Variants in TENM3 observed in about 807,000 individuals in gnomAD.
TENM3 encodes teneurin-3.
In TENM3, 63 loss-of-function variants were observed where a neutral mutation model predicts 255.1. That is an observed-to-expected ratio of 0.25 (90% CI 0.20 to 0.30). TENM3 has a LOEUF of 0.30. Among genes scored for constraint, TENM3 ranks in the 10% least tolerant of loss-of-function variants. The pLI is 1.00. For synonymous variants in TENM3, 1,306 were observed against 1,322.3 expected (o/e 0.99, Z 0.27); for missense variants, 2,929 against 3,461.1 (o/e 0.85, Z 3.86).
At chr4:182,432,849 G>GGTGGGTGTGTGTGTGTGTGT (rs1722898718) in intron 3 of TENM3, among the ~76,000 whole-genome samples, 1 of 142,976 alleles carries the variant, frequency 7.0e-6, no homozygotes, top group African/African-American at 2.6e-5. Flanking sequence ...AATGGATTTG[G>GGTGGGTGTGTGTGTGTGTGT]GTGTGTGTGT....
At chr4:181,917,014 T>C in the TENM3 span, among the ~76,000 whole-genome samples, 4 of 152,140 alleles carry the variant, frequency 2.6e-5, no homozygotes, top group African/African-American at 7.2e-5. Flanking sequence ...TTTAAAGAAA[T>C]CCTTTCTCAG....
chr4:181,941,311 G>GTT, the TENM3 span, among the ~76,000 whole-genome samples: 23,531 of 119,482 alleles, frequency 0.2, 2,030 homozygotes, highest in South Asian at 0.41. Context: ...TTTGTTTGAT[G>GTT]TTTTTTTTTT....
At chr4:182,089,661 A>C in the TENM3 span, among the ~76,000 whole-genome samples, 1 of 152,200 alleles carries the variant, frequency 6.6e-6, no homozygotes, top group Non-Finnish European at 1.5e-5. Flanking sequence ...AAATATACAT[A>C]ATCACTGGGT....
At chr4:181,696,508 C>T in the TENM3 span, among the ~76,000 whole-genome samples, 5 of 152,114 alleles carry the variant, frequency 3.3e-5, no homozygotes, top group African/African-American at 7.2e-5. Context: ...TTAATAGCAC[C>T]GCAGATTTAT....
At chr4:182,153,353 A>G (rs1276023414) in intron 1 of TENM3, among the ~76,000 whole-genome samples, 1 of 152,132 alleles carries the variant, frequency 6.6e-6, no homozygotes, top group Non-Finnish European at 1.5e-5. Context: ...AAGATGAATG[A>G]TACATCTTTA....
At chr4:181,767,236 T>A in the TENM3 span, among the ~76,000 whole-genome samples, 10 of 117,738 alleles carry the variant, frequency 8.5e-5, no homozygotes, top group South Asian at 7.9e-4. Flanking sequence ...TGGGCGAGAG[T>A]GCGAGACTCC....
the TENM3 span, among the ~76,000 whole-genome samples, chr4:181,939,418 G>A: frequency 7.9e-5 from 12 of 152,210 alleles, no homozygotes; most frequent in African/African-American, 2.9e-4. Flanking sequence ...TCCTCCATGG[G>A]AAACAGGCCA....
chr4:182,654,850 T>A (rs952204134), intron 6 of TENM3, among the ~76,000 whole-genome samples: 2 of 152,210 alleles, frequency 1.3e-5, no homozygotes, highest in Non-Finnish European at 2.9e-5. Flanking sequence ...CTTTGTACAC[T>A]TTTTTATTCT....
the TENM3 span, among the ~76,000 whole-genome samples, chr4:181,653,483 C>T: frequency 1.3e-5 from 2 of 152,116 alleles, no homozygotes; most frequent in Non-Finnish European, 2.9e-5. Context: ...CATCTCGGCT[C>T]ACTGCAACTT....
chr4:182,442,441 A>G (rs971100275), intron 3 of TENM3, among the ~76,000 whole-genome samples: 2 of 152,314 alleles, frequency 1.3e-5, no homozygotes, highest in Non-Finnish European at 2.9e-5. Context: ...GGCTATTGCC[A>G]CTATAGACAA....
intron 1 of TENM3, among the ~76,000 whole-genome samples, chr4:182,191,604 T>C (rs919082293): frequency 6.6e-6 from 1 of 152,162 alleles, no homozygotes; most frequent in Non-Finnish European, 1.5e-5. Context: ...GCCTAGGTAT[T>C]AGGAGCACTG....
At chr4:181,717,664 A>G in the TENM3 span, among the ~76,000 whole-genome samples, 5 of 152,224 alleles carry the variant, frequency 3.3e-5, no homozygotes, top group Non-Finnish European at 7.3e-5. Context: ...AGTAACCTAG[A>G]AATGTCCAGA....
intron 3 of TENM3, among the ~76,000 whole-genome samples, chr4:182,429,260 A>G (rs943842655): frequency 6.6e-6 from 1 of 152,226 alleles, no homozygotes; most frequent in Non-Finnish European, 1.5e-5. Context: ...ATATCATAGG[A>G]CTGTTAAACA....
intron 3 of TENM3, among the ~76,000 whole-genome samples, chr4:182,461,510 A>G (rs13107207): frequency 0.32 from 48,213 of 152,118 alleles, 7,832 homozygotes; most frequent in Non-Finnish European, 0.34. Flanking sequence ...TGTACCTTTG[A>G]GATCCCTGGG....
At chr4:181,883,600 G>A in the TENM3 span, among the ~76,000 whole-genome samples, 27,024 of 151,724 alleles carry the variant, frequency 0.18, 2,936 homozygotes, top group Non-Finnish European at 0.24. Flanking sequence ...TCAGCCTCCC[G>A]AGTAGCTGGG....
At chr4:181,636,166 C>T in the TENM3 span, among the ~76,000 whole-genome samples, 5 of 152,124 alleles carry the variant, frequency 3.3e-5, no homozygotes, top group African/African-American at 1.2e-4. Flanking sequence ...CTATCTCAGC[C>T]TCCCGAGTAG....
the TENM3 span, among the ~76,000 whole-genome samples, chr4:181,836,866 C>A: frequency 6.6e-6 from 1 of 152,118 alleles, no homozygotes; most frequent in Non-Finnish European, 1.5e-5. Context: ...AAAATTGATA[C>A]CTTTAAAATA....
At chr4:182,032,678 G>C in the TENM3 span, among the ~76,000 whole-genome samples, 1 of 152,110 alleles carries the variant, frequency 6.6e-6, no homozygotes, top group Non-Finnish European at 1.5e-5. Flanking sequence ...AATCTATCTG[G>C]TCCTGGATTT....
At chr4:181,817,557 A>G in the TENM3 span, among the ~76,000 whole-genome samples, 2 of 152,164 alleles carry the variant, frequency 1.3e-5, no homozygotes, top group Non-Finnish European at 1.5e-5. Context: ...CCCAAAATTT[A>G]TGCCTTGGAA....
Sources: gnomAD v4.1 joint callset for allele counts (sites outside exome capture counted in the v4.1 genomes callset) on GRCh38, gnomAD v4.1.1 for gene constraint, MANE v1.5 for transcripts, NCBI Gene and HGNC (gene_info 2026-07-23, HGNC 2026-07-21) for gene names.